SLC39A11: variants seen among roughly 807,000 people sequenced by gnomAD.
SLC39A11 encodes solute carrier family 39 member 11.
A neutral mutation model predicts 36.1 loss-of-function variants in SLC39A11; 33 were observed. The observed-to-expected ratio is 0.91, with a 90% CI of 0.69 to 1.22. The LOEUF (loss-of-function observed/expected upper bound fraction) is 1.22, where lower values mean the gene tolerates loss of function less well. Ranked by LOEUF, SLC39A11 falls within the 50% of genes most tolerant of loss-of-function variation. The pLI is 0.00. For missense variants in SLC39A11, 432 were observed against 430.3 expected, an observed-to-expected ratio of 1.00 and a Z score of -0.03; for synonymous variants, 166 against 170.3, an observed-to-expected ratio of 0.97 and a Z score of 0.20.
intron 5 of SLC39A11, among the ~76,000 whole-genome samples, chr17:72,878,401 GGTCCCCA>G (rs2081029935): frequency 6.6e-6 from 1 of 152,148 alleles, no homozygotes; most frequent in East Asian, 1.9e-4. Flanking sequence ...AAATAAACAA[GGTCCCCA>G]GCCCCAGGGG....
intron 6 of SLC39A11, chr17:72,817,841 T>C (rs1366969358): frequency 6.6e-6 from 1 of 152,168 alleles, no homozygotes; most frequent in Non-Finnish European, 1.5e-5. Flanking sequence ...CTGGCTAATT[T>C]ATTTAAAAAA....
At chr17:72,688,945 C>T (rs2071884185) in intron 7 of SLC39A11, among the ~76,000 whole-genome samples, 1 of 152,152 alleles carries the variant, frequency 6.6e-6, no homozygotes, top group African/African-American at 2.4e-5. Context: ...TCTATTCACA[C>T]CCCGCAGGCT....
intron 7 of SLC39A11, among the ~76,000 whole-genome samples, chr17:72,661,414 G>C (rs956159498): frequency 6.6e-6 from 1 of 152,130 alleles, no homozygotes; most frequent in Non-Finnish European, 1.5e-5. Context: ...TGCTCTCCAG[G>C]CTATATTCCC....
At chr17:72,898,771 A>C (rs897943836) in intron 5 of SLC39A11, among the ~76,000 whole-genome samples, 4 of 152,222 alleles carry the variant, frequency 2.6e-5, no homozygotes, top group African/African-American at 9.6e-5. Context: ...CACATACATA[A>C]CACCACCCTG....
At chr17:72,782,266 A>G (rs1031076475) in intron 6 of SLC39A11, among the ~76,000 whole-genome samples, 2 of 152,120 alleles carry the variant, frequency 1.3e-5, no homozygotes, top group African/African-American at 4.8e-5. Flanking sequence ...AGAAGCTGGG[A>G]GGGGGCATGG....
In SLC39A11 at chr17:72,999,866, G is replaced by C. The variant is rs541491015; in HGVS notation, c.306+31690C>G. On this transcript the variant is annotated intron_variant, in intron 4 of 9. Coordinates refer to ENST00000255559, the MANE Select transcript of SLC39A11 (RefSeq NM_139177.4). ...AGCGATTCTCCTGCCTCAGTCTCCCGAGTAGCTGGGATTACAGGCACGCGC... is the reference window on the plus strand; with the variant it reads ...AGCGATTCTCCTGCCTCAGTCTCCCCAGTAGCTGGGATTACAGGCACGCGC... Among the ~76,000 whole-genome samples, 367 of 152,146 alleles carry C rather than the reference G, an allele frequency of 2.4e-3. 4 individuals are homozygous for C. Among genetic ancestry groups the C allele is most frequent in the African/African-American group, 8.3e-3 (345 of 41,504 alleles).
chr17:72,754,805 C>T (rs918855297), intron 6 of SLC39A11, among the ~76,000 whole-genome samples: 11 of 152,134 alleles, frequency 7.2e-5, no homozygotes, highest in Admixed American at 3.9e-4. Context: ...GTTTCAGACA[C>T]GTACACGAAT....
At chr17:72,890,474 G>A (rs896119905) in intron 5 of SLC39A11, among the ~76,000 whole-genome samples, 2 of 152,288 alleles carry the variant, frequency 1.3e-5, no homozygotes, top group Middle Eastern at 6.8e-3. Flanking sequence ...GGAAAAGAGA[G>A]AAATGATGCT....
At chr17:72,839,108 G>C (rs1424077689) in intron 6 of SLC39A11, 1 of 152,230 alleles carries the variant, frequency 6.6e-6, no homozygotes, top group Non-Finnish European at 1.5e-5. Context: ...GGGAAATAAG[G>C]ATGACACAGC....
At chr17:72,973,316 C>T (rs956690492) in intron 4 of SLC39A11, among the ~76,000 whole-genome samples, 99 of 150,898 alleles carry the variant, frequency 6.6e-4, no homozygotes, top group African/African-American at 2.4e-3. Flanking sequence ...CCAGCACTGC[C>T]GGGGGGGCAC....
intron 5 of SLC39A11, among the ~76,000 whole-genome samples, chr17:72,947,157 C>G (rs1344968415): frequency 6.6e-6 from 1 of 152,108 alleles, no homozygotes; most frequent in Admixed American, 6.5e-5. Flanking sequence ...ACCATCTCTA[C>G]TAAAAGTACA....
intron 5 of SLC39A11, among the ~76,000 whole-genome samples, chr17:72,861,771 TATATATA>T (rs2080047782): frequency 9.8e-6 from 1 of 101,834 alleles, no homozygotes; most frequent in Non-Finnish European, 1.9e-5. Flanking sequence ...TATATATATA[TATATATA>T]TATATCCAAT....
At chr17:72,900,654 A>AG (rs1365434132) in intron 5 of SLC39A11, among the ~76,000 whole-genome samples, 5 of 149,402 alleles carry the variant, frequency 3.3e-5, no homozygotes, top group African/African-American at 1.2e-4. Context: ...GGGATTTGTG[A>AG]GGGGGGCAGG....
intron 5 of SLC39A11, among the ~76,000 whole-genome samples, chr17:72,896,408 G>A (rs2082033048): frequency 6.6e-6 from 1 of 151,800 alleles, no homozygotes; most frequent in South Asian, 2.1e-4. Context: ...CACCATGTTG[G>A]CAAGGCTGGT....
At chr17:73,084,323 G>A (rs1203995654) in intron 3 of SLC39A11, among the ~76,000 whole-genome samples, 3 of 150,926 alleles carry the variant, frequency 2.0e-5, no homozygotes, top group African/African-American at 7.3e-5. Flanking sequence ...TGTAGTCCCA[G>A]CTACTTGGGA....
chr17:72,863,573 G>T (rs573233039), intron 5 of SLC39A11, among the ~76,000 whole-genome samples: 19 of 152,196 alleles, frequency 1.2e-4, no homozygotes, highest in African/African-American at 4.6e-4. Context: ...TTTAATATTA[G>T]AGTCTACCCC....
intron 4 of SLC39A11, among the ~76,000 whole-genome samples, chr17:72,955,737 T>G (rs2452922): frequency 0.9 from 136,565 of 152,050 alleles, 61,625 homozygotes; most frequent in East Asian, 1. Flanking sequence ...CTGAACGAAC[T>G]AAATGACAGA....
At chr17:72,910,546 C>G (rs532719914) in intron 5 of SLC39A11, among the ~76,000 whole-genome samples, 7 of 142,342 alleles carry the variant, frequency 4.9e-5, no homozygotes, top group African/African-American at 1.9e-4. Context: ...ATCGCTTGAA[C>G]CTGGGAGATG....
At chr17:73,004,244 G>GGAAAGAA (rs2090059912) in intron 4 of SLC39A11, among the ~76,000 whole-genome samples, 1 of 146,702 alleles carries the variant, frequency 6.8e-6, no homozygotes, top group Non-Finnish European at 1.5e-5. Context: ...AAGAAAGAAA[G>GGAAAGAA]AGAAAAAGCA....
Sources: gnomAD v4.1 joint callset for allele counts (sites outside exome capture counted in the v4.1 genomes callset) on GRCh38, gnomAD v4.1.1 for gene constraint, MANE v1.5 for transcripts, NCBI Gene and HGNC (gene_info 2026-07-23, HGNC 2026-07-21) for gene names.